The following PTPRN2 variants were observed in gnomAD, a reference collection of about 807,000 sequenced individuals.
The protein encoded by PTPRN2 is protein tyrosine phosphatase receptor type N2.
In PTPRN2, 74 loss-of-function variants were observed where a neutral mutation model predicts 118.8. The observed-to-expected ratio is 0.62, with a 90% CI of 0.52 to 0.76. PTPRN2 has a LOEUF of 0.76. Ranked by LOEUF, PTPRN2 falls within the 30% of genes least tolerant of loss-of-function variation. The probability of loss-of-function intolerance (pLI) is 0.00; values close to 1 mark genes in which losing one functional copy is unlikely to be tolerated. For missense variants in PTPRN2, 1,481 were observed against 1,394.4 expected (o/e 1.06, Z -0.99); for synonymous variants, 641 against 608.0 (o/e 1.05, Z -0.80).
intron 11 of PTPRN2, among the ~76,000 whole-genome samples, chr7:157,932,801 G>C (rs1038205545): frequency 6.6e-6 from 1 of 150,976 alleles, no homozygotes; most frequent in African/African-American, 2.4e-5. Context: ...CCGATGGACA[G>C]CTTTAGAGAA....
intron 2 of PTPRN2, among the ~76,000 whole-genome samples, chr7:158,406,756 G>C (rs968511238): frequency 6.6e-6 from 1 of 152,218 alleles, no homozygotes; most frequent in Non-Finnish European, 1.5e-5. Flanking sequence ...TGGATACCTG[G>C]CTAAACTTCA....
At chr7:158,447,821 G>T (rs780823925) in intron 2 of PTPRN2, among the ~76,000 whole-genome samples, 1 of 152,226 alleles carries the variant, frequency 6.6e-6, no homozygotes, top group African/African-American at 2.4e-5. Context: ...CGAGAGCGGG[G>T]GCAGTGCTGA....
chr7:157,631,688 C>CAGA (rs1254611830), intron 14 of PTPRN2, among the ~76,000 whole-genome samples: 3 of 152,102 alleles, frequency 2.0e-5, no homozygotes, highest in Non-Finnish European at 2.9e-5. Context: ...AAAAATTAGC[C>CAGA]AGGCGTGGTG....
At chr7:158,206,854 T>TGA (rs1827191774) in intron 3 of PTPRN2, among the ~76,000 whole-genome samples, 1 of 151,154 alleles carries the variant, frequency 6.6e-6, no homozygotes, top group Non-Finnish European at 1.5e-5. Flanking sequence ...CATGTGCACA[T>TGA]TGTACAGGTT....
At chr7:157,960,173 G>T (rs542843961) in intron 11 of PTPRN2, among the ~76,000 whole-genome samples, 1 of 151,348 alleles carries the variant, frequency 6.6e-6, no homozygotes, top group Non-Finnish European at 1.5e-5. Context: ...ACCAGGGGCC[G>T]GGGGAGGGGT....
chr7:158,555,341 A>G lies in PTPRN2; in HGVS notation c.112+32217T>C, dbSNP rs913780490. On this transcript the variant is annotated intron_variant, in intron 1 of 22. Transcript: ENST00000389418. This position sits in a 1 kb window ranked among gnomAD's most constrained non-coding sequence, Gnocchi z 4.7. The stretch of plus-strand genomic sequence containing the variant: ...TCCAGGAGAAGGCGGCACCAAGCCC[A>G]GCGTCGAACGAAGCAGGTCCTTCTC... 2.0e-5 allele frequency among the ~76,000 whole-genome samples: 3 copies of G among 152,190 alleles called. No individual in the cohort carries two copies. The highest frequency in any genetic ancestry group is 7.2e-5 in the African/African-American group (3 of 41,448).
chr7:157,768,704 C>A (rs898202168), intron 12 of PTPRN2, among the ~76,000 whole-genome samples: 2 of 152,222 alleles, frequency 1.3e-5, no homozygotes, highest in African/African-American at 4.8e-5. Context: ...GGAAATCACA[C>A]TGATTTCCTT....
chr7:157,690,075 T>C lies in PTPRN2; in HGVS notation c.1789-7138A>G. Among the ~76,000 whole-genome samples, 1 of 151,474 alleles carries C rather than the reference T, an allele frequency of 6.6e-6. No homozygotes were observed. Among genetic ancestry groups the C allele is most frequent in the East Asian group, 2.0e-4 (1 of 5,118 alleles). ...CTGCAATGGTCGGAACTGCAGGGAGTGGGGAGCAACGCGAAAGGCCGAGAG... is the reference window on the plus strand; with the variant it reads ...CTGCAATGGTCGGAACTGCAGGGAGCGGGGAGCAACGCGAAAGGCCGAGAG... On this transcript the variant is annotated intron_variant, in intron 12 of 22. Transcript: ENST00000389418. The surrounding 1 kb of genome is among the most constrained non-coding windows in gnomAD (Gnocchi z 7.1).
intron 2 of PTPRN2, among the ~76,000 whole-genome samples, chr7:158,322,018 CCTCT>C (rs1803063362): frequency 6.6e-6 from 1 of 152,324 alleles, no homozygotes; most frequent in South Asian, 2.1e-4. Flanking sequence ...GTGCCTTCTC[CCTCT>C]GTCTTCCCTG....
chr7:158,071,365 TCA>T (rs1563390732), intron 11 of PTPRN2, among the ~76,000 whole-genome samples: 3 of 96,876 alleles, frequency 3.1e-5, no homozygotes, highest in Non-Finnish European at 4.3e-5. Context: ...GTGGAGGTGC[TCA>T]TGGTGGTGGA....
chr7:158,080,190 C>A (rs929497826), intron 11 of PTPRN2, among the ~76,000 whole-genome samples: 1 of 151,774 alleles, frequency 6.6e-6, no homozygotes, highest in Non-Finnish European at 1.5e-5. Flanking sequence ...GAAAAAGAAA[C>A]TTCAAGTTTA....
chr7:157,702,356 A>G (rs1798122537), intron 12 of PTPRN2, among the ~76,000 whole-genome samples: 1 of 150,464 alleles, frequency 6.6e-6, no homozygotes, highest in South Asian at 2.1e-4. Context: ...TGGTGTAACT[A>G]TGAGAAAGCC....
chr7:158,404,530 G>C (rs1813200703), intron 2 of PTPRN2, among the ~76,000 whole-genome samples: 1 of 152,114 alleles, frequency 6.6e-6, no homozygotes, highest in Non-Finnish European at 1.5e-5. Flanking sequence ...CGTGGCTTTG[G>C]GCAATTGCTG....
intron 1 of PTPRN2, among the ~76,000 whole-genome samples, chr7:158,505,737 G>A (rs1173638221): frequency 2.2e-5 from 3 of 135,750 alleles, no homozygotes; most frequent in Non-Finnish European, 4.8e-5. Context: ...GGGGGGTGGG[G>A]TGACCTGAGC....
intron 12 of PTPRN2, among the ~76,000 whole-genome samples, chr7:157,884,025 C>CA (rs1187199089): frequency 6.7e-6 from 1 of 149,202 alleles, no homozygotes; most frequent in African/African-American, 2.5e-5. Flanking sequence ...CACACTACCC[C>CA]AAAATGACTG....
intron 6 of PTPRN2, among the ~76,000 whole-genome samples, chr7:158,145,821 C>A (rs1364259884): frequency 6.6e-6 from 1 of 152,172 alleles, no homozygotes; most frequent in Non-Finnish European, 1.5e-5. Context: ...CTGCCCTGCC[C>A]TGGGGGATGC....
At chr7:157,880,671 G>C (rs530687064) in intron 12 of PTPRN2, among the ~76,000 whole-genome samples, 1 of 152,304 alleles carries the variant, frequency 6.6e-6, no homozygotes, top group East Asian at 1.9e-4. Context: ...TTACTTTATT[G>C]CTATGGCTGG....
At chr7:158,292,549 C>G (rs1800190529) in intron 3 of PTPRN2, among the ~76,000 whole-genome samples, 1 of 152,164 alleles carries the variant, frequency 6.6e-6, no homozygotes, top group African/African-American at 2.4e-5. Flanking sequence ...CTGAGTAATT[C>G]CTCATTAGGT....
intron 12 of PTPRN2, among the ~76,000 whole-genome samples, chr7:157,839,151 CTT>C (rs57802346): frequency 0.065 from 9,969 of 152,294 alleles, 527 homozygotes; most frequent in East Asian, 0.22. Context: ...AAGCCAATGA[CTT>C]ATATTTGGCA....
Sources: allele counts gnomAD v4.1 joint callset (sites outside exome capture counted in the v4.1 genomes callset), GRCh38; gene constraint gnomAD v4.1.1; non-coding constraint Gnocchi (gnomAD v3.1); transcripts MANE v1.5; gene names NCBI Gene and HGNC (gene_info 2026-07-23, HGNC 2026-07-21).